Variants in PA2G4 observed in about 807,000 individuals in gnomAD.
The protein encoded by PA2G4 is proliferation-associated 2G4.
In PA2G4, 8 loss-of-function variants were observed where a neutral mutation model predicts 53.3. That is an observed-to-expected ratio of 0.15 (90% CI 0.09 to 0.27). PA2G4 has a LOEUF of 0.27. PA2G4 is among the 10% of genes least tolerant of loss of function. The probability of loss-of-function intolerance (pLI) is 1.00; values close to 1 mark genes in which losing one functional copy is unlikely to be tolerated. For synonymous variants in PA2G4, 143 were observed against 169.8 expected, an observed-to-expected ratio of 0.84 and a Z score of 1.23; for missense variants, 208 against 486.8, an observed-to-expected ratio of 0.43 and a Z score of 5.39.
In PA2G4 at chr12:56,111,247, A is replaced by G; in HGVS notation, c.1003A>G (p.Ser335Gly). ...GCCCAATGGCCCCATGCGGATAACC[A>G]GTGGTCCCTTCGAGCCTGACCTCTA... ...LMPNGPMRIT[S>G]GPFEPDLYKS... The change falls in exon 11 of 13, where the codon AGT becomes GGT. Residue 335 changes from serine (S) to glycine (G), a missense_variant. Physicochemically the swap from Ser to Gly is moderately conservative, Grantham distance 56. This residue lies in a region of PA2G4 where 50 missense variants were observed against 82.3 expected (regional missense o/e 0.61). Coordinates refer to ENST00000303305, the MANE Select transcript of PA2G4 (RefSeq NM_006191.3). The G allele has an allele frequency of 6.2e-7, 1 of 1,614,144 alleles. No homozygotes were observed. Among genetic ancestry groups the G allele is most frequent in the Non-Finnish European group, 8.5e-7 (1 of 1,180,008 alleles).
At position 56,113,164 on chromosome 12, in the gene PA2G4, C is replaced by CA; in HGVS notation, c.*278dup. The CA allele has an allele frequency of 3.3e-6, 1 of 300,774 alleles. No individual in the cohort carries two copies. The highest frequency in any genetic ancestry group is 7.3e-5 in the East Asian group (1 of 13,742). The allele number at this position is 300,774 out of a possible 1,614,324, so 18.6% of individuals were successfully genotyped here. ...ATCAGGAGTCAAAATTCATCGTCTT[C>CA]AAGCCCCTCTTTCTAGCCTTTTCTA... On this transcript the variant is annotated 3_prime_UTR_variant, in exon 13 of 13. Transcript: ENST00000303305.
At position 56,104,785 on chromosome 12, in the gene PA2G4, G is replaced by T. The variant is rs745794728; in HGVS notation, c.48G>T (p.Leu16=). The T allele has an allele frequency of 6.2e-7, 1 of 1,614,018 alleles. No homozygotes were observed. The highest frequency in any genetic ancestry group is 2.2e-5 in the East Asian group (1 of 44,878). ...AGGAGCAAACTATCGCTGAGGACCT[G>T]GTCGTGACCAAGTATAAGATGGGGG... is the stretch of plus-strand genomic sequence containing the variant. ...EQQEQTIAED[L]VVTKYKMGGD... Residue 16 remains leucine, a synonymous_variant, in exon 1 of 13, where the codon CTG becomes CTT. Transcript: ENST00000303305.
chr12:56,106,811 C>T (rs1249525517), intron 2 of PA2G4, 95 bp downstream of exon 2: 3 of 1,454,166 alleles, frequency 2.1e-6, no homozygotes, highest in African/African-American at 2.8e-5. Flanking sequence ...AGTCCCCACC[C>T]CAGCTCTGGC....
chr12:56,106,718 T>TAAA lies in PA2G4; in HGVS notation c.217+12_217+14dup, dbSNP rs34728522. 46 of 1,364,156 alleles carry TAAA rather than the reference T, an allele frequency of 3.4e-5. No homozygotes were observed. In the African/African-American group the frequency reaches 5.5e-4, roughly 16 times the overall value. 84.5% of individuals were successfully genotyped at this position (1,364,156 alleles called of 1,614,324 possible). On this transcript the variant is annotated splice_region_variant and intron_variant, in intron 2 of 12. Coordinates refer to ENST00000303305, the MANE Select transcript of PA2G4 (RefSeq NM_006191.3). ...AGAAAGAAAAGGAAATGAAGAAAGG[T>TAAA]AAAAAAAAAAAATCCCTCACTAATT...
chr12:56,107,587 C>G lies in PA2G4; in HGVS notation c.460C>G (p.Leu154Val). Residue 154 changes from leucine (L) to valine (V), a missense_variant, in exon 5 of 13, where the codon CTA becomes GTA. Physicochemically the swap from Leu to Val is conservative, Grantham distance 32. This residue lies in a region of PA2G4 where 143 missense variants were observed against 386.8 expected (regional missense o/e 0.37). Transcript: ENST00000303305. ...KAAHLCAEAA[L>V]RLVKPGNQNT... ...AGCTCACCTTTGTGCTGAAGCTGCC[C>G]TACGCCTGGTCAAACCTGGAAATCA... is the stretch of plus-strand genomic sequence containing the variant. 6.2e-7 allele frequency: 1 copy of G among 1,613,488 alleles called. No individual in the cohort carries two copies. Among genetic ancestry groups the G allele is most frequent in the Non-Finnish European group, 8.5e-7 (1 of 1,179,378 alleles).
At chr12:56,107,890 G>A (rs1047646019) in intron 5 of PA2G4, among the ~76,000 whole-genome samples, 1 of 152,018 alleles carries the variant, frequency 6.6e-6, no homozygotes, top group Non-Finnish European at 1.5e-5. Context: ...TTAGCTGGGC[G>A]TGGTAACATG....
At chr12:56,112,294 T>C (rs1019046593) in intron 12 of PA2G4, among the ~76,000 whole-genome samples, 14 of 152,350 alleles carry the variant, frequency 9.2e-5, no homozygotes, top group African/African-American at 2.6e-4. Context: ...ATGAACCTCA[T>C]AGCTTAGCCT....
intron 1 of PA2G4, 97 bp downstream of exon 1, chr12:56,104,922 G>A: frequency 1.8e-6 from 2 of 1,092,644 alleles, no homozygotes; most frequent in South Asian, 1.3e-5. Context: ...TGCGGACTGA[G>A]CTACTGAGGG....
chr12:56,110,559 G>T lies in PA2G4; in HGVS notation c.709G>T (p.Ala237Ser), dbSNP rs1223334854. Residue 237 changes from alanine (A) to serine (S), a missense_variant and splice_region_variant, in exon 9 of 13, where the codon GCC becomes TCC. Around this residue, in one of 3 missense-constraint regions of PA2G4, gnomAD observed 143 missense variants for 386.8 expected, o/e 0.37. Transcript: ENST00000303305. ...AATGTTACTTAAATTACTCTTTCAGGCCAAGGATGCAGGACAGAGAACCAC... is the reference window on the plus strand; with the variant it reads ...AATGTTACTTAAATTACTCTTTCAGTCCAAGGATGCAGGACAGAGAACCAC... ...DVLVSSGEGK[A>S]KDAGQRTTIY... 1.2e-6 allele frequency: 2 copies of T among 1,614,072 alleles called. No homozygotes were observed. Among genetic ancestry groups the T allele is most frequent in the Non-Finnish European group, 1.7e-6 (2 of 1,180,012 alleles).
In PA2G4 at chr12:56,107,268, G is replaced by A; in HGVS notation, c.393+12G>A. 6.2e-7 allele frequency: 1 copy of A among 1,605,116 alleles called. No homozygotes were observed. The highest frequency in any genetic ancestry group is 8.5e-7 in the Non-Finnish European group (1 of 1,173,178). Reference sequence around the variant, plus strand: ...TTGATGTAGCTCAGGTAGGTGGCCTGCTTTTGATCTCTGTTTAGCCTTGGG... The same window carrying A: ...TTGATGTAGCTCAGGTAGGTGGCCTACTTTTGATCTCTGTTTAGCCTTGGG... On this transcript the variant is annotated intron_variant, in intron 4 of 12. Transcript: ENST00000303305.
chr12:56,106,514 C>T, intron 1 of PA2G4, 74 bp from the exon 2 acceptor site: 5 of 1,422,734 alleles, frequency 3.5e-6, no homozygotes, highest in Non-Finnish European at 4.6e-6. Flanking sequence ...TTAAATTCAA[C>T]TTCCAGGTAT....
chr12:56,105,193 C>G (rs1869271867), intron 1 of PA2G4: 8 of 489,008 alleles, frequency 1.6e-5, no homozygotes, highest in South Asian at 1.2e-4. Flanking sequence ...AGGAAGCGCC[C>G]AGCTATTGGC....
chr12:56,104,891 G>T, intron 1 of PA2G4, 66 bp downstream of exon 1: 2 of 1,402,724 alleles, frequency 1.4e-6, no homozygotes, highest in East Asian at 2.3e-5. Flanking sequence ...TGGCCCGGAA[G>T]GGGCTGGAGC....
At chr12:56,106,938 T>G (rs1869314562) in intron 2 of PA2G4, 52 bp from the exon 3 acceptor site, 9 of 1,470,974 alleles carry the variant, frequency 6.1e-6, no homozygotes, top group Non-Finnish European at 8.5e-6. Context: ...TGAAGGGCAC[T>G]AGGGCTCCCG....
intron 1 of PA2G4, 61 bp downstream of exon 1, chr12:56,104,886 C>T (rs893572987): frequency 2.2e-5 from 31 of 1,425,388 alleles, no homozygotes; most frequent in Middle Eastern, 1.9e-4. Context: ...CAGGCTGGCC[C>T]GGAAGGGGCT....
At position 56,107,504 on chromosome 12, in the gene PA2G4, C is replaced by T. The variant is rs769253411; in HGVS notation, c.394-17C>T. On this transcript the variant is annotated splice_polypyrimidine_tract_variant and intron_variant, in intron 4 of 12. Transcript: ENST00000303305. The stretch of plus-strand genomic sequence containing the variant: ...AGACTTTCCAGGAAGATACTGATTG[C>T]ATGTCCTTATCTACAGGGGACCCAA... The T allele has an allele frequency of 1.7e-5, 27 of 1,568,780 alleles. No individual in the cohort carries two copies. In the East Asian group the frequency reaches 5.4e-4, roughly 31 times the overall value.
chr12:56,113,050 A>C lies in PA2G4; in HGVS notation c.*162A>C. On this transcript the variant is annotated 3_prime_UTR_variant, in exon 13 of 13. Coordinates refer to ENST00000303305, the MANE Select transcript of PA2G4 (RefSeq NM_006191.3). Reference sequence around the variant, plus strand: ...CCCAACCCACTCCCTTCCAACAACAACCAGCTCCAACTGACTCTGGTCTTG... The same window carrying C: ...CCCAACCCACTCCCTTCCAACAACACCCAGCTCCAACTGACTCTGGTCTTG... 2 of 482,422 alleles carry C rather than the reference A, an allele frequency of 4.1e-6. No individual in the cohort carries two copies. The allele number at this position is 482,422 out of a possible 1,614,324, so 29.9% of individuals were successfully genotyped here. A position where few individuals can be genotyped will look rare whatever the true frequency, so the allele number is the denominator to read the frequency against.
rs775931637 is a variant in PA2G4, at chr12:56,106,631, G to A, written c.132G>A (p.Ser44=). The stretch of plus-strand genomic sequence containing the variant: ...TGGAAGCATCTAGCTCAGGTGTGTC[G>A]GTACTGAGCCTGTGTGAGAAAGGTG... ...SLVEASSSGV[S]VLSLCEKGDA... is the part of the protein sequence containing the mutation. Residue 44 remains serine (S), a synonymous_variant, in exon 2 of 13, where the codon TCG becomes TCA. Coordinates refer to ENST00000303305, the MANE Select transcript of PA2G4 (RefSeq NM_006191.3). 3.2e-5 allele frequency: 52 copies of A among 1,600,134 alleles called. No homozygotes were observed. The Middle Eastern group carries it at 5.9e-4, about 18-fold the overall frequency.
intron 5 of PA2G4, among the ~76,000 whole-genome samples, chr12:56,107,984 A>T (rs1487993724): frequency 6.6e-6 from 1 of 152,200 alleles, no homozygotes; most frequent in Non-Finnish European, 1.5e-5. Context: ...AGCTATGATC[A>T]TGCCACTGCA....
Sources: gnomAD v4.1 joint callset for allele counts (sites outside exome capture counted in the v4.1 genomes callset) on GRCh38, gnomAD v4.1.1 for gene constraint, gnomAD v4.1.1 regional missense constraint, MANE v1.5 for transcripts, NCBI Gene and HGNC (gene_info 2026-07-23, HGNC 2026-07-21) for gene names.